Variants in DOCK1 observed in about 807,000 individuals in gnomAD.
The protein encoded by DOCK1 is dedicator of cytokinesis 1.
In DOCK1, 138 loss-of-function variants were observed where a neutral mutation model predicts 262.7. The ratio of observed to expected loss-of-function variants is 0.53; its 90% CI spans 0.46 to 0.61. The LOEUF (loss-of-function observed/expected upper bound fraction) is 0.61. Among genes scored for constraint, DOCK1 ranks in the 20% least tolerant of loss-of-function variants. The pLI, the probability that DOCK1 is intolerant of heterozygous loss-of-function variation, is 0.00. For missense variants in DOCK1, 1,908 were observed against 2,370.7 expected, an observed-to-expected ratio of 0.80 and a Z score of 4.05; for synonymous variants, 866 against 867.4, an observed-to-expected ratio of 1.00 and a Z score of 0.03.
At position 127,026,068 on chromosome 10, in the gene DOCK1, A is replaced by AAG. The variant is rs1554867165; in HGVS notation, c.1552-283_1552-282insGA. On this transcript the variant is annotated intron_variant, in intron 15 of 51. Transcript: ENST00000623213. ...GAGCGAAACTCTGTATCAAAAAAAA[A>AAG]AAAAGAAAGAAAAAAGAATCTTAAC... The AAG allele has an allele frequency of 8.1e-5, 18 of 221,290 alleles. No homozygotes were observed. In the Admixed American group the frequency reaches 8.8e-4, roughly 11 times the overall value. 13.7% of individuals were successfully genotyped at this position (221,290 alleles called of 1,614,324 possible). A position where few individuals can be genotyped will look rare whatever the true frequency, so the allele number is the denominator to read the frequency against.
intron 5 of DOCK1, among the ~76,000 whole-genome samples, chr10:126,989,342 T>A (rs2039636317): frequency 6.6e-6 from 1 of 152,138 alleles, no homozygotes; most frequent in Non-Finnish European, 1.5e-5. Context: ...TTATTTATTT[T>A]TTGAGATAGG....
intron 1 of DOCK1, among the ~76,000 whole-genome samples, chr10:126,961,435 ACT>A (rs1295714003): frequency 1.1e-4 from 17 of 151,912 alleles, no homozygotes; most frequent in Non-Finnish European, 1.6e-4. Flanking sequence ...TAAAAATACA[ACT>A]CTGTCTTCCC....
chr10:127,374,042 T>C lies in DOCK1; in HGVS notation c.3519-16T>C. ...TTCTGAGTGTGATTAACAAGGTGTG[T>C]ATAATTATTTTTCAGCCTTCTGGAA... On this transcript the variant is annotated splice_polypyrimidine_tract_variant and intron_variant, in intron 34 of 51. Coordinates refer to ENST00000623213, the MANE Select transcript of DOCK1 (RefSeq NM_001290223.2). 1 of 1,598,880 alleles carries C rather than the reference T, an allele frequency of 6.3e-7. No individual in the cohort carries two copies. Among genetic ancestry groups the C allele is most frequent in the Non-Finnish European group, 8.5e-7 (1 of 1,173,370 alleles).
At chr10:127,147,972 A>G (rs951109605) in intron 27 of DOCK1, among the ~76,000 whole-genome samples, 1 of 139,582 alleles carries the variant, frequency 7.2e-6, no homozygotes, top group Non-Finnish European at 1.5e-5. Flanking sequence ...AGGAGGGTGC[A>G]GTGAGCCGAG....
At chr10:126,972,220 G>A (rs1053574754) in intron 2 of DOCK1, among the ~76,000 whole-genome samples, 1 of 152,148 alleles carries the variant, frequency 6.6e-6, no homozygotes, top group African/African-American at 2.4e-5. Context: ...CCGTCCTGAA[G>A]CAATTGTTAT....
intron 27 of DOCK1, among the ~76,000 whole-genome samples, chr10:127,132,002 G>T (rs2133154758): frequency 6.6e-6 from 1 of 152,322 alleles, no homozygotes; most frequent in South Asian, 2.1e-4. Flanking sequence ...TTTATTCCAT[G>T]ATGTTGTCAA....
chr10:127,207,548 T>C (rs2057780060), intron 27 of DOCK1, among the ~76,000 whole-genome samples: 1 of 152,198 alleles, frequency 6.6e-6, no homozygotes. Flanking sequence ...CCTGTACATA[T>C]TGAGAACATG....
At chr10:127,434,686 C>G (rs184893592) in intron 48 of DOCK1, among the ~76,000 whole-genome samples, 3 of 151,348 alleles carry the variant, frequency 2.0e-5, no homozygotes, top group African/African-American at 7.3e-5. Context: ...CGGAGTCTCC[C>G]TCTGTCGCCC....
At chr10:127,328,510 G>T (rs1267942472) in intron 29 of DOCK1, among the ~76,000 whole-genome samples, 1 of 152,238 alleles carries the variant, frequency 6.6e-6, no homozygotes, top group Non-Finnish European at 1.5e-5. Context: ...GCCATTGCCT[G>T]CAGGGACCTC....
chr10:126,940,465 A>G (rs955663522), intron 1 of DOCK1, among the ~76,000 whole-genome samples: 11 of 152,254 alleles, frequency 7.2e-5, no homozygotes, highest in African/African-American at 2.4e-4. Context: ...GTGTAGTGGT[A>G]TAATCTCGGC....
At chr10:127,364,000 A>G (rs906703923) in intron 33 of DOCK1, among the ~76,000 whole-genome samples, 1 of 152,180 alleles carries the variant, frequency 6.6e-6, no homozygotes, top group African/African-American at 2.4e-5. Flanking sequence ...GACCTGTACA[A>G]TCCCTAGCAC....
intron 23 of DOCK1, among the ~76,000 whole-genome samples, chr10:127,068,000 C>A (rs1033166591): frequency 6.6e-6 from 1 of 152,038 alleles, no homozygotes; most frequent in Non-Finnish European, 1.5e-5. Flanking sequence ...GAGCAGGCTT[C>A]CCCATCTCTT....
intron 1 of DOCK1, among the ~76,000 whole-genome samples, chr10:126,949,823 A>G (rs2036034054): frequency 6.6e-6 from 1 of 151,854 alleles, no homozygotes; most frequent in South Asian, 2.1e-4. Flanking sequence ...GGCTGGTTTT[A>G]TGAGGGCTAT....
intron 46 of DOCK1, among the ~76,000 whole-genome samples, chr10:127,421,579 T>A (rs73388634): frequency 2.6e-5 from 4 of 152,116 alleles, no homozygotes; most frequent in African/African-American, 9.7e-5. Context: ...TCCAGAGCCT[T>A]GTCATCTTGC....
intron 1 of DOCK1, among the ~76,000 whole-genome samples, chr10:126,924,584 G>T (rs905590809): frequency 6.6e-6 from 1 of 152,202 alleles, no homozygotes; most frequent in Non-Finnish European, 1.5e-5. Flanking sequence ...TGACCAAAAG[G>T]TTAAAAAGCA....
intron 16 of DOCK1, 24 bp downstream of exon 16, chr10:127,026,448 C>T (rs777285054): frequency 6.4e-7 from 1 of 1,562,808 alleles, no homozygotes; most frequent in Non-Finnish European, 8.7e-7. Context: ...CACTTTCTTC[C>T]CCCAAGTATT....
intron 1 of DOCK1, among the ~76,000 whole-genome samples, chr10:126,921,198 T>TA (rs1564983824): frequency 0.011 from 846 of 76,664 alleles, 12 homozygotes; most frequent in African/African-American, 0.032. Flanking sequence ...AGACTCTATC[T>TA]CAAAAAAAAA....
At chr10:127,184,538 C>T (rs1489673306) in intron 27 of DOCK1, among the ~76,000 whole-genome samples, 5 of 148,870 alleles carry the variant, frequency 3.4e-5, no homozygotes, top group Admixed American at 6.7e-5. Flanking sequence ...GTGCACACGT[C>T]GCTTCTCTGT....
intron 29 of DOCK1, among the ~76,000 whole-genome samples, chr10:127,314,320 AAG>A (rs1358037833): frequency 6.6e-6 from 1 of 152,156 alleles, no homozygotes; most frequent in East Asian, 1.9e-4. Flanking sequence ...CTACACACTG[AAG>A]AAGGGGAAAA....
Sources: allele counts gnomAD v4.1 joint callset (sites outside exome capture counted in the v4.1 genomes callset), GRCh38; gene constraint gnomAD v4.1.1; transcripts MANE v1.5; gene names NCBI Gene and HGNC (gene_info 2026-07-23, HGNC 2026-07-21).